The following SPAG16 variants were observed in gnomAD, a reference collection of about 807,000 sequenced individuals.
SPAG16 encodes sperm-associated antigen 16 protein.
In SPAG16, 86 loss-of-function variants were observed where a neutral mutation model predicts 80.4. The observed-to-expected ratio is 1.07, with a 90% CI of 0.90 to 1.28. The LOEUF is 1.28. Ranked by LOEUF, SPAG16 falls within the 50% of genes most tolerant of loss-of-function variation. SPAG16 has a pLI of 0.00. For synonymous variants in SPAG16, 294 were observed against 265.9 expected (o/e 1.11, Z -1.03); for missense variants, 870 against 765.3 (o/e 1.14, Z -1.61).
intron 15 of SPAG16, among the ~76,000 whole-genome samples, chr2:214,349,293 G>A (rs1206011122): frequency 1.3e-5 from 2 of 152,216 alleles, no homozygotes; most frequent in Non-Finnish European, 2.9e-5. Context: ...GATTATGTAT[G>A]TAGGAAAACT....
chr2:213,531,359 AGTGTGTGTGT>A (rs56011234), intron 10 of SPAG16, among the ~76,000 whole-genome samples: 30 of 142,118 alleles, frequency 2.1e-4, no homozygotes, highest in Middle Eastern at 3.4e-3. Flanking sequence ...AAAAGATGTG[AGTGTGTGTGT>A]GTGTGTGTGT....
chr2:213,319,743 C>T (rs950262139), intron 5 of SPAG16, among the ~76,000 whole-genome samples: 5 of 151,892 alleles, frequency 3.3e-5, no homozygotes, highest in African/African-American at 1.2e-4. Context: ...GCTCCAGTGA[C>T]ATTGAATAGT....
intron 15 of SPAG16, among the ~76,000 whole-genome samples, chr2:214,292,877 A>G (rs1693896185): frequency 1.3e-5 from 2 of 152,206 alleles, no homozygotes; most frequent in Non-Finnish European, 2.9e-5. Context: ...TTTTGAGTGC[A>G]TGCGATATTG....
At chr2:214,302,703 G>T (rs1694640852) in intron 15 of SPAG16, among the ~76,000 whole-genome samples, 2 of 152,092 alleles carry the variant, frequency 1.3e-5, no homozygotes, top group Non-Finnish European at 2.9e-5. Context: ...GGCTGGACTT[G>T]AACTCCTGAC....
At chr2:213,850,851 G>A (rs1240153991) in intron 10 of SPAG16, among the ~76,000 whole-genome samples, 2 of 151,806 alleles carry the variant, frequency 1.3e-5, no homozygotes, top group Non-Finnish European at 2.9e-5. Context: ...TGAGTTGAAT[G>A]TTATAAAATG....
intron 12 of SPAG16, among the ~76,000 whole-genome samples, chr2:213,980,675 A>ATGTG (rs1559654007): frequency 7.0e-6 from 1 of 142,854 alleles, no homozygotes; most frequent in African/African-American, 2.6e-5. Context: ...TATAGAATAT[A>ATGTG]TGTGTGTATA....
At chr2:213,720,386 G>C (rs1458582422) in intron 10 of SPAG16, among the ~76,000 whole-genome samples, 1 of 151,662 alleles carries the variant, frequency 6.6e-6, no homozygotes, top group Non-Finnish European at 1.5e-5. Context: ...CCAGCACTTT[G>C]GGAGGCCGAG....
intron 11 of SPAG16, among the ~76,000 whole-genome samples, chr2:213,884,729 G>T (rs944427643): frequency 5.3e-5 from 8 of 152,086 alleles, no homozygotes; most frequent in African/African-American, 1.9e-4. Context: ...GTGTTGATTT[G>T]AAAAACTGAT....
chr2:213,730,901 T>C (rs560161961), intron 10 of SPAG16, among the ~76,000 whole-genome samples: 1 of 152,332 alleles, frequency 6.6e-6, no homozygotes, highest in South Asian at 2.1e-4. Flanking sequence ...GGGAAGTTTC[T>C]AATGACCAAT....
At chr2:213,660,330 C>A (rs986660696) in intron 10 of SPAG16, among the ~76,000 whole-genome samples, 1 of 150,174 alleles carries the variant, frequency 6.7e-6, no homozygotes, top group Non-Finnish European at 1.5e-5. Flanking sequence ...AGTGCCGTGG[C>A]GCAATCTCAG....
At chr2:214,364,948 A>G (rs147018011) in intron 15 of SPAG16, among the ~76,000 whole-genome samples, 14 of 152,308 alleles carry the variant, frequency 9.2e-5, no homozygotes, top group African/African-American at 3.4e-4. Context: ...GAAATGGTAC[A>G]AAGCCTGCAA....
rs945554921 is a variant in SPAG16 at position 213,930,530 on chromosome 2, G to A, written c.1400+385G>A. Among the ~76,000 whole-genome samples, 3 of 152,256 alleles carry A rather than the reference G, an allele frequency of 2.0e-5. No homozygotes were observed. In the East Asian group the frequency reaches 5.8e-4, roughly 29 times the overall value. On this transcript the variant is annotated intron_variant, in intron 12 of 15. Transcript: ENST00000331683. Reference sequence around the variant, plus strand: ...TATTAAATGTAATAGTTCAACGAACGTAAATATAACAGAAATAATTATTTT... The same window carrying A: ...TATTAAATGTAATAGTTCAACGAACATAAATATAACAGAAATAATTATTTT...
chr2:213,328,604 T>C (rs1210281827), intron 5 of SPAG16, among the ~76,000 whole-genome samples: 1 of 152,174 alleles, frequency 6.6e-6, no homozygotes, highest in Non-Finnish European at 1.5e-5. Flanking sequence ...AGTTTCTCTC[T>C]TTTTAGTCCA....
chr2:213,648,222 T>C (rs1425800308), intron 10 of SPAG16, among the ~76,000 whole-genome samples: 3 of 152,164 alleles, frequency 2.0e-5, no homozygotes, highest in Non-Finnish European at 4.4e-5. Context: ...CATTTACAGA[T>C]GGCAGAGCAG....
chr2:213,734,680 C>T (rs1314117150), intron 10 of SPAG16, among the ~76,000 whole-genome samples: 2 of 149,294 alleles, frequency 1.3e-5, no homozygotes, highest in East Asian at 4.0e-4. Context: ...ATGGGTTCTT[C>T]TTTCTCATTC....
intron 10 of SPAG16, among the ~76,000 whole-genome samples, chr2:213,746,840 T>C (rs2067847543): frequency 6.6e-6 from 1 of 152,120 alleles, no homozygotes; most frequent in African/African-American, 2.4e-5. Flanking sequence ...ATAGCACATA[T>C]GATTGTGTAC....
At chr2:213,445,779 A>T (rs1228546236) in intron 9 of SPAG16, among the ~76,000 whole-genome samples, 1 of 152,240 alleles carries the variant, frequency 6.6e-6, no homozygotes, top group East Asian at 1.9e-4. Flanking sequence ...AATGGCTTTT[A>T]TATTATCAAA....
At chr2:214,121,076 T>TTTG (rs2054197753) in intron 14 of SPAG16, among the ~76,000 whole-genome samples, 1 of 151,760 alleles carries the variant, frequency 6.6e-6, no homozygotes, top group African/African-American at 2.4e-5. Context: ...TTTGTCTGTT[T>TTTG]ACTTTTTTCA....
At position 213,850,976 on chromosome 2, in the gene SPAG16, C is replaced by G. The variant is rs142342827; in HGVS notation, c.1071-11509C>G. ...TTTAAAAGGCCAAAATAGTATTACTCTTATTTAATAATTAATTTAATCACA... is the reference window on the plus strand; with the variant it reads ...TTTAAAAGGCCAAAATAGTATTACTGTTATTTAATAATTAATTTAATCACA... On this transcript the variant is annotated intron_variant, in intron 10 of 15. Coordinates refer to ENST00000331683, the MANE Select transcript of SPAG16 (RefSeq NM_024532.5). Among the ~76,000 whole-genome samples the G allele has an allele frequency of 9.9e-5, 15 of 152,024 alleles. No homozygotes were observed. The East Asian group carries it at 2.9e-3, about 29-fold the overall frequency.
Sources: allele counts gnomAD v4.1 joint callset (sites outside exome capture counted in the v4.1 genomes callset), GRCh38; gene constraint gnomAD v4.1.1; transcripts MANE v1.5; gene names NCBI Gene and HGNC (gene_info 2026-07-23, HGNC 2026-07-21).